GPM6B: variants seen among roughly 807,000 people sequenced by gnomAD.
The protein encoded by GPM6B is neuronal membrane glycoprotein M6-b.
A neutral mutation model predicts 27.2 loss-of-function variants in GPM6B; 4 were observed. The observed-to-expected ratio is 0.15, with a 90% CI of 0.07 to 0.34. GPM6B has a LOEUF of 0.34. Among genes scored for constraint, GPM6B ranks in the 10% least tolerant of loss-of-function variants. GPM6B has a pLI of 1.00. For missense variants in GPM6B, 183 were observed against 261.9 expected (o/e 0.70, Z 2.08); for synonymous variants, 124 against 103.1 (o/e 1.20, Z -1.23).
intron 1 of GPM6B, among the ~76,000 whole-genome samples, chrX:13,867,976 T>TG (rs2049936617): frequency 8.9e-6 from 1 of 112,241 alleles, no homozygotes; most frequent in Non-Finnish European, 1.9e-5. Flanking sequence ...GTTCTGGACA[T>TG]GGACTTCTAG....
chrX:13,809,540 C>T (rs1328930122), intron 1 of GPM6B, among the ~76,000 whole-genome samples: 1 of 111,317 alleles, frequency 9.0e-6, no homozygotes, highest in Admixed American at 9.5e-5. Flanking sequence ...CTTTGGGAGG[C>T]CAAGGCGGGC....
intron 2 of GPM6B, among the ~76,000 whole-genome samples, chrX:13,797,550 C>T (rs926359238): frequency 9.0e-6 from 1 of 110,937 alleles, no homozygotes; most frequent in Non-Finnish European, 1.9e-5. Context: ...GAAGGTAGGT[C>T]CCCCCATTGC....
At chrX:13,879,764 C>T (rs1345798228) in intron 1 of GPM6B, among the ~76,000 whole-genome samples, 1 of 111,916 alleles carries the variant, frequency 8.9e-6, no homozygotes. Context: ...CAGGGATTCC[C>T]CAAATTCTGA....
intron 1 of GPM6B, among the ~76,000 whole-genome samples, chrX:13,857,176 G>T (rs965676536): frequency 9.0e-6 from 1 of 111,020 alleles, no homozygotes; most frequent in African/African-American, 3.3e-5. Flanking sequence ...CCCATTTTGA[G>T]ATCCTTAACT....
chrX:13,792,877 C>T lies in GPM6B; in HGVS notation c.182-7069G>A, dbSNP rs779107841. On this transcript the variant is annotated intron_variant, in intron 2 of 7. Coordinates refer to ENST00000316715, the MANE Select transcript of GPM6B (RefSeq NM_001001995.3). ...ATTGTGCCACTGCACTCCAGCCTGG[C>T]GACAGAGCGAGACTCCGTTTAAAAA... 7.1e-5 allele frequency among the ~76,000 whole-genome samples: 7 copies of T among 97,914 alleles called. No individual in the cohort carries two copies. In the South Asian group the frequency reaches 2.0e-3, roughly 28 times the overall value. 85.0% of individuals were successfully genotyped at this position (97,914 alleles called of 115,157 possible).
intron 1 of GPM6B, among the ~76,000 whole-genome samples, chrX:13,848,123 C>T (rs1159568112): frequency 8.9e-6 from 1 of 112,067 alleles, no homozygotes; most frequent in Non-Finnish European, 1.9e-5. Context: ...AGCCGTCTTG[C>T]CCATGGTCAT....
chrX:13,848,239 G>A (rs1028558846), intron 1 of GPM6B, among the ~76,000 whole-genome samples: 26 of 111,815 alleles, frequency 2.3e-4, no homozygotes, highest in African/African-American at 8.1e-4. Flanking sequence ...CACCTCTGAA[G>A]GTTCCAATAG....
intron 1 of GPM6B, among the ~76,000 whole-genome samples, chrX:13,825,057 A>G (rs779703915): frequency 1.9e-4 from 21 of 111,831 alleles, no homozygotes; most frequent in Non-Finnish European, 3.6e-4. Flanking sequence ...GTCTCTTCTT[A>G]TAAGGACACC....
chrX:13,897,373 T>C (rs764232798), intron 1 of GPM6B, among the ~76,000 whole-genome samples: 311 of 112,329 alleles, frequency 2.8e-3, no homozygotes, highest in Non-Finnish European at 4.8e-3. Context: ...ATAAATTTCA[T>C]TTAACCTGAG....
intron 2 of GPM6B, among the ~76,000 whole-genome samples, chrX:13,803,743 T>C (rs539913147): frequency 1.8e-5 from 2 of 111,899 alleles, no homozygotes; most frequent in Admixed American, 9.5e-5. Flanking sequence ...TACTTTCTCC[T>C]CTGGCCCTCA....
At chrX:13,797,238 G>A (rs2048832915) in intron 2 of GPM6B, among the ~76,000 whole-genome samples, 1 of 111,442 alleles carries the variant, frequency 9.0e-6, no homozygotes, top group African/African-American at 3.3e-5. Context: ...TGATCCTTGT[G>A]GGTGGGGTGA....
rs1162672579 is a variant in GPM6B at position 13,877,389 on chromosome X, T to C, written c.-198+60938A>G. ...CATGAGCTATGTCAACAGAGCAGAG[T>C]TTGGGAGTGAGTGGACTAGAATTGG... On this transcript the variant is annotated intron_variant, in intron 1 of 6. Coordinates refer to the GPM6B transcript ENST00000398361. Among the ~76,000 whole-genome samples the C allele has an allele frequency of 3.6e-5, 4 of 111,205 alleles. No homozygotes were observed. In the East Asian group the frequency reaches 1.1e-3, roughly 31 times the overall value.
At chrX:13,934,122 AAT>A (rs749258567) in intron 1 of GPM6B, among the ~76,000 whole-genome samples, 2 of 110,692 alleles carry the variant, frequency 1.8e-5, no homozygotes, top group Non-Finnish European at 3.8e-5. Context: ...GCAAAAATAT[AAT>A]AAAGAATTAA....
At chrX:13,866,932 G>C (rs1241459103) in intron 1 of GPM6B, among the ~76,000 whole-genome samples, 1 of 111,787 alleles carries the variant, frequency 8.9e-6, no homozygotes, top group Non-Finnish European at 1.9e-5. Context: ...ACAGATTGGT[G>C]AATCTGATAT....
intron 1 of GPM6B, among the ~76,000 whole-genome samples, chrX:13,854,382 A>G (rs904810948): frequency 8.9e-6 from 1 of 112,434 alleles, no homozygotes; most frequent in East Asian, 2.8e-4. Context: ...GTACTAGCTC[A>G]GAGAGAAAGC....
chrX:13,807,446 G>A lies in GPM6B; in HGVS notation c.181+204C>T, dbSNP rs770588461. ...GAGGGAAGAAGGAGAAGAAAGTGGA[G>A]AAAGATGGGGTGGAATGGAGAGGGA... On this transcript the variant is annotated intron_variant, in intron 2 of 7. Coordinates refer to ENST00000316715, the MANE Select transcript of GPM6B (RefSeq NM_001001995.3). Among the ~76,000 whole-genome samples the A allele has an allele frequency of 4.4e-5, 5 of 112,385 alleles. No homozygotes were observed. In the South Asian group the frequency reaches 1.5e-3, roughly 33 times the overall value.
At chrX:13,862,940 T>A (rs2049869777) in intron 1 of GPM6B, among the ~76,000 whole-genome samples, 1 of 110,204 alleles carries the variant, frequency 9.1e-6, no homozygotes. Context: ...TAGGCAATCC[T>A]CCCACCTTGG....
At chrX:13,809,915 CAA>C (rs750794950) in intron 1 of GPM6B, among the ~76,000 whole-genome samples, 5 of 48,282 alleles carry the variant, frequency 1.0e-4, no homozygotes, top group Non-Finnish European at 7.1e-5. Context: ...CCAGCCTGGG[CAA>C]AAAAAAAAAA....
At chrX:13,816,676 C>G (rs1197635532) in intron 1 of GPM6B, among the ~76,000 whole-genome samples, 168 bp downstream of exon 1, 4 of 111,384 alleles carry the variant, frequency 3.6e-5, no homozygotes, top group Non-Finnish European at 3.8e-5. Context: ...AAAGGCTGCT[C>G]TATTAACTTA....
Sources: gnomAD v4.1 joint callset for allele counts (sites outside exome capture counted in the v4.1 genomes callset) on GRCh38, gnomAD v4.1.1 for gene constraint, MANE v1.5 for transcripts, NCBI Gene and HGNC (gene_info 2026-07-23, HGNC 2026-07-21) for gene names.